LRP1B: variants seen among roughly 807,000 people sequenced by gnomAD.
LRP1B encodes LDL receptor related protein 1B.
In LRP1B, 217 loss-of-function variants were observed where a neutral mutation model predicts 556.6. The ratio of observed to expected loss-of-function variants is 0.39; its 90% confidence interval spans 0.35 to 0.44. LRP1B has a LOEUF of 0.44. Among genes scored for constraint, LRP1B ranks in the 20% least tolerant of loss-of-function variants. The pLI is 1.00. For missense variants in LRP1B, 5,053 were observed against 5,620.8 expected, an observed-to-expected ratio of 0.90 and a Z score of 3.23; for synonymous variants, 2,047 against 1,865.8, an observed-to-expected ratio of 1.10 and a Z score of -2.50.
At chr2:140,973,007 T>G (rs1182272450) in intron 18 of LRP1B, among the ~76,000 whole-genome samples, 1 of 147,102 alleles carries the variant, frequency 6.8e-6, no homozygotes, top group African/African-American at 2.5e-5. Context: ...ATATGTAACA[T>G]GTTTAGGGCA....
chr2:140,877,498 T>A (rs1693346965), intron 25 of LRP1B, among the ~76,000 whole-genome samples: 1 of 152,016 alleles, frequency 6.6e-6, no homozygotes, highest in South Asian at 2.1e-4. Flanking sequence ...AGGCGGGAAA[T>A]GTGAAAGAAA....
chr2:140,250,995 T>A (rs867606913), intron 86 of LRP1B, among the ~76,000 whole-genome samples: 1 of 151,824 alleles, frequency 6.6e-6, no homozygotes, highest in Non-Finnish European at 1.5e-5. Context: ...TTATTTATTT[T>A]TTGTAATTAA....
At chr2:140,772,479 T>A (rs1354098154) in intron 33 of LRP1B, among the ~76,000 whole-genome samples, 1 of 151,918 alleles carries the variant, frequency 6.6e-6, no homozygotes, top group Admixed American at 6.6e-5. Context: ...CTGGATAATT[T>A]TTGTATTTTT....
intron 41 of LRP1B, among the ~76,000 whole-genome samples, chr2:140,616,185 G>C (rs1180946821): frequency 6.6e-6 from 1 of 151,724 alleles, no homozygotes; most frequent in African/African-American, 2.4e-5. Flanking sequence ...GTAGTTATTA[G>C]CAGTCAGTAA....
chr2:141,546,342 C>T (rs1209292411), intron 2 of LRP1B, among the ~76,000 whole-genome samples: 1 of 152,070 alleles, frequency 6.6e-6, no homozygotes, highest in Admixed American at 6.6e-5. Flanking sequence ...GGTCAAAAAG[C>T]TAGTAAGCGG....
chr2:141,261,417 G>A (rs1246198102), intron 3 of LRP1B, among the ~76,000 whole-genome samples: 3 of 152,112 alleles, frequency 2.0e-5, no homozygotes, highest in Non-Finnish European at 2.9e-5. Context: ...AATGCTGCAA[G>A]TTTTGATAAA....
In LRP1B at chr2:141,876,093, C is replaced by T. The variant is rs1462593266; in HGVS notation, c.83-65692G>A. ...AATAAAATAAGTCTTAAAAAATTTC[C>T]ATTTTTAACTGTCAGGAATAACTCC... On this transcript the variant is annotated intron_variant, in intron 1 of 90. Transcript: ENST00000389484. 2.0e-5 allele frequency among the ~76,000 whole-genome samples: 3 copies of T among 151,896 alleles called. No homozygotes were observed. In the East Asian group the frequency reaches 5.8e-4, roughly 29 times the overall value.
chr2:141,140,210 G>A (rs1445050840), intron 7 of LRP1B, among the ~76,000 whole-genome samples: 1 of 151,978 alleles, frequency 6.6e-6, no homozygotes, highest in African/African-American at 2.4e-5. Flanking sequence ...GAGCACAAGG[G>A]AACGTTTAGG....
At chr2:142,001,456 A>T (rs1702651081) in intron 1 of LRP1B, among the ~76,000 whole-genome samples, 1 of 152,220 alleles carries the variant, frequency 6.6e-6, no homozygotes, top group South Asian at 2.1e-4. Flanking sequence ...GCTTTGCTTC[A>T]TAGTTCCTGC....
At chr2:140,750,991 C>CTTTTTTTT (rs562658619) in intron 35 of LRP1B, among the ~76,000 whole-genome samples, 1 of 98,098 alleles carries the variant, frequency 1.0e-5, no homozygotes, top group Non-Finnish European at 2.0e-5. Flanking sequence ...CTTTTTTTTT[C>CTTTTTTTT]TTTTTTTTTT....
chr2:140,753,435 A>T (rs1015065149), intron 35 of LRP1B, among the ~76,000 whole-genome samples: 2 of 152,162 alleles, frequency 1.3e-5, no homozygotes, highest in African/African-American at 4.8e-5. Flanking sequence ...TGAAAACACT[A>T]TTTCAGAGAG....
chr2:140,373,910 C>T (rs17386953), intron 68 of LRP1B, among the ~76,000 whole-genome samples: 3,089 of 152,246 alleles, frequency 0.02, 36 homozygotes, highest in African/African-American at 0.028. Flanking sequence ...TTTGCATGGG[C>T]AAAGCTTCCC....
chr2:140,946,465 T>C (rs1471858544), intron 20 of LRP1B, among the ~76,000 whole-genome samples: 1 of 151,954 alleles, frequency 6.6e-6, no homozygotes, highest in Non-Finnish European at 1.5e-5. Context: ...CTGGGTATGG[T>C]GGCTCACACC....
At chr2:141,871,656 TA>T (rs1322771541) in intron 1 of LRP1B, among the ~76,000 whole-genome samples, 1 of 152,016 alleles carries the variant, frequency 6.6e-6, no homozygotes, top group Non-Finnish European at 1.5e-5. Flanking sequence ...TGTTGAATGC[TA>T]AATTGTATAA....
intron 56 of LRP1B, among the ~76,000 whole-genome samples, chr2:140,495,256 A>G (rs1271428504): frequency 6.6e-6 from 1 of 151,814 alleles, no homozygotes; most frequent in Non-Finnish European, 1.5e-5. Context: ...TAACAGTTTT[A>G]GCCAAACTTG....
rs1191838138 is a variant in LRP1B at position 141,013,734 on chromosome 2, A to T, written c.2202T>A (p.Ser734Arg). Residue 734 changes from serine to arginine, a missense_variant, in exon 14 of 91, where the codon AGT becomes AGA. Ser to Arg is a moderately radical substitution (Grantham distance 110). This residue lies in a region of LRP1B where 3,619 missense variants were observed against 3,931.9 expected (regional missense o/e 0.92). Coordinates refer to ENST00000389484, the MANE Select transcript of LRP1B (RefSeq NM_018557.3). Reference sequence around the variant, plus strand: ...CGAAAGGGTGGTTCAACTCTCTCCCACTGTAAACAATCTGTAAAATATAAA... The same window carrying T: ...CGAAAGGGTGGTTCAACTCTCTCCCTCTGTAAACAATCTGTAAAATATAAA... ...LNGTHRKIVY[S>R]GRELNHPFGL... 6.4e-6 allele frequency: 10 copies of T among 1,568,324 alleles called. No homozygotes were observed. The highest frequency in any genetic ancestry group is 8.6e-6 in the Non-Finnish European group (10 of 1,159,698).
At chr2:142,107,558 C>T (rs932169253) in intron 1 of LRP1B, among the ~76,000 whole-genome samples, 3 of 152,050 alleles carry the variant, frequency 2.0e-5, no homozygotes, top group Non-Finnish European at 4.4e-5. Context: ...GTTTCAACAC[C>T]ATAAAATGGG....
chr2:141,624,010 C>A (rs1688603559), intron 2 of LRP1B, among the ~76,000 whole-genome samples: 2 of 14,378 alleles, frequency 1.4e-4, no homozygotes, highest in Non-Finnish European at 1.7e-4. Flanking sequence ...AGCAGAACTC[C>A]AACTCAAAAA....
chr2:141,922,094 G>C (rs1234671189), intron 1 of LRP1B, among the ~76,000 whole-genome samples: 1 of 152,098 alleles, frequency 6.6e-6, no homozygotes. Context: ...CATCCCAATA[G>C]TCTAAAGCCC....
Sources: allele counts gnomAD v4.1 joint callset (sites outside exome capture counted in the v4.1 genomes callset), GRCh38; gene constraint gnomAD v4.1.1; regional missense constraint gnomAD v4.1.1; transcripts MANE v1.5; gene names NCBI Gene and HGNC (gene_info 2026-07-23, HGNC 2026-07-21).